GATB: variants seen among roughly 807,000 people sequenced by gnomAD.
GATB encodes glutamyl-tRNA amidotransferase subunit B.
Under a neutral mutation model 62.3 loss-of-function variants are expected in GATB, and 39 were observed. That is an observed-to-expected ratio of 0.63 (90% CI 0.48 to 0.82). The LOEUF is 0.82. Ranked by LOEUF, GATB falls within the 40% of genes least tolerant of loss-of-function variation. The pLI, the probability that GATB is intolerant of heterozygous loss-of-function variation, is 0.00. For synonymous variants in GATB, 276 were observed against 258.9 expected, an observed-to-expected ratio of 1.07 and a Z score of -0.63; for missense variants, 670 against 684.0, an observed-to-expected ratio of 0.98 and a Z score of 0.23.
intron 2 of GATB, among the ~76,000 whole-genome samples, chr4:151,748,173 C>T (rs1739640768): frequency 6.6e-6 from 1 of 152,160 alleles, no homozygotes; most frequent in African/African-American, 2.4e-5. Flanking sequence ...CTTTAAAGTT[C>T]ATATGGAACC....
chr4:151,671,731 T>C (rs1357160612), intron 12 of GATB, among the ~76,000 whole-genome samples: 4 of 151,896 alleles, frequency 2.6e-5, no homozygotes, highest in Admixed American at 2.0e-4. Context: ...CTCCCCCTGC[T>C]CCCCACCAAG....
chr4:151,682,051 C>T (rs1022193730), intron 10 of GATB, among the ~76,000 whole-genome samples: 1 of 152,136 alleles, frequency 6.6e-6, no homozygotes, highest in Non-Finnish European at 1.5e-5. Context: ...TGGAGAGGGA[C>T]AGAAAAGGAA....
chr4:151,733,482 T>C (rs1739308858), intron 2 of GATB, among the ~76,000 whole-genome samples: 1 of 152,140 alleles, frequency 6.6e-6, no homozygotes, highest in Admixed American at 6.5e-5. Context: ...AATTTAACAA[T>C]TGCCAACCAA....
chr4:151,728,566 T>G (rs1198127845), intron 2 of GATB, among the ~76,000 whole-genome samples: 1 of 152,182 alleles, frequency 6.6e-6, no homozygotes, highest in Non-Finnish European at 1.5e-5. Flanking sequence ...AAACACAAAC[T>G]CATTCATCTA....
Position 151,704,979 on chromosome 4 carries a change from C to T in GATB, c.962+206G>A, listed in dbSNP as rs138259454. ...GTTAGCCAGGATGGTCTCGATCTCC[C>T]GACCTCGTGATCTGCCCATTGCCTC... On this transcript the variant is annotated intron_variant, in intron 7 of 12. Transcript: ENST00000263985. Among the ~76,000 whole-genome samples, 65 of 151,418 alleles carry T rather than the reference C, an allele frequency of 4.3e-4. 1 individual carries two copies. The highest frequency in any genetic ancestry group is 1.4e-3 in the African/African-American group (59 of 41,256).
At chr4:151,700,938 C>T (rs1738589442) in intron 9 of GATB, among the ~76,000 whole-genome samples, 1 of 152,194 alleles carries the variant, frequency 6.6e-6, no homozygotes, top group Admixed American at 6.5e-5. Context: ...ATCCTGCCAG[C>T]CCTGTCATGG....
At chr4:151,736,187 T>G (rs1220368924) in intron 2 of GATB, among the ~76,000 whole-genome samples, 2 of 152,184 alleles carry the variant, frequency 1.3e-5, no homozygotes, top group Non-Finnish European at 2.9e-5. Context: ...TTAAGGCCCT[T>G]GTGTATGTAA....
At chr4:151,706,405 A>G (rs1738716160) in intron 6 of GATB, among the ~76,000 whole-genome samples, 1 of 149,590 alleles carries the variant, frequency 6.7e-6, no homozygotes. Context: ...ACCTCTTAAA[A>G]TAACGGGTCC....
intron 2 of GATB, chr4:151,721,132 G>A (rs963285308): frequency 6.6e-6 from 1 of 152,306 alleles, no homozygotes; most frequent in Non-Finnish European, 1.5e-5. Flanking sequence ...CAGTTACTTG[G>A]GAGGCTGAGG....
At chr4:151,754,711 T>C (rs1739789755) in intron 2 of GATB, among the ~76,000 whole-genome samples, 2 of 151,804 alleles carry the variant, frequency 1.3e-5, no homozygotes, top group Non-Finnish European at 1.5e-5. Context: ...TCCAAATAAC[T>C]ACAGATGGAA....
intron 2 of GATB, among the ~76,000 whole-genome samples, chr4:151,731,987 C>G (rs1375256322): frequency 6.9e-6 from 1 of 145,210 alleles, no homozygotes; most frequent in Non-Finnish European, 1.5e-5. Flanking sequence ...CCCGGCCAGC[C>G]GCCCCGTCCG....
At chr4:151,696,246 C>T (rs1403483053) in intron 9 of GATB, among the ~76,000 whole-genome samples, 2 of 152,166 alleles carry the variant, frequency 1.3e-5, no homozygotes, top group African/African-American at 4.8e-5. Context: ...CTGATTTTCA[C>T]TAAATTTAGT....
At position 151,705,203 on chromosome 4, in the gene GATB, G is replaced by C. The variant is rs370519067; in HGVS notation, c.944C>G (p.Ser315Ter). ...AACTCACCCCAGCTTGTGATGAAAT[G>C]AGCGTGTTTCGTTCAGAATTTCACC... ...NGGEILNETR[S>*]FHHKLGCTMS... The change falls in exon 7 of 13, where the codon TCA becomes TGA. Residue 315 changes from serine to a stop codon, truncating the protein, a stop_gained. Transcript: ENST00000263985. LOFTEE classifies it high-confidence loss of function. The C allele has an allele frequency of 1.9e-6, 3 of 1,612,670 alleles. No individual in the cohort carries two copies. In the African/African-American group the frequency reaches 4.0e-5, roughly 22 times the overall value.
Position 151,717,061 on chromosome 4 carries a change from A to AT in GATB, c.454dup (p.Ile152AsnfsTer58), listed in dbSNP as rs1332790841. 1 of 1,614,104 alleles carries AT rather than the reference A, an allele frequency of 6.2e-7. No homozygotes were observed. The highest frequency in any genetic ancestry group is 8.5e-7 in the Non-Finnish European group (1 of 1,180,006). Reference sequence around the variant, plus strand: ...AGCAATTGGGAGCCTCTGCTGGGTAATTTGGTAGCCTGCCTGCACACAAAC... The same window carrying AT: ...AGCAATTGGGAGCCTCTGCTGGGTAATTTTGGTAGCCTGCCTGCACACAAAC... On this transcript the variant is annotated frameshift_variant, in exon 4 of 13. Coordinates refer to ENST00000263985, the MANE Select transcript of GATB (RefSeq NM_004564.3). LOFTEE classifies it high-confidence loss of function.
intron 5 of GATB, among the ~76,000 whole-genome samples, chr4:151,708,751 C>T (rs917086177): frequency 3.9e-5 from 6 of 152,206 alleles, no homozygotes; most frequent in Non-Finnish European, 7.3e-5. Context: ...AGCACTGTTA[C>T]GAAGTCAGGA....
In GATB at chr4:151,732,026, C is replaced by T. The variant is rs1302174969; in HGVS notation, c.328-12488G>A. Among the ~76,000 whole-genome samples, 76 of 130,824 alleles carry T rather than the reference C, an allele frequency of 5.8e-4. 4 individuals carry two copies. The highest frequency in any genetic ancestry group is 2.3e-3 in the South Asian group (9 of 3,934). 85.8% of individuals were successfully genotyped at this position (130,824 alleles called of 152,430 possible). A position where few individuals can be genotyped will look rare whatever the true frequency, so the allele number is the denominator to read the frequency against. On this transcript the variant is annotated intron_variant, in intron 2 of 12. Transcript: ENST00000263985. ...GGGAGGTGGGGGGTCAGCCCCCGCC[C>T]GGCCAGCCGCCCCGTCCGGGAGGGA...
chr4:151,735,316 A>G (rs889427924), intron 2 of GATB, among the ~76,000 whole-genome samples: 3 of 152,140 alleles, frequency 2.0e-5, no homozygotes, highest in Non-Finnish European at 4.4e-5. Flanking sequence ...AGATATACAA[A>G]TGGCCAACAA....
intron 2 of GATB, among the ~76,000 whole-genome samples, chr4:151,737,556 G>A (rs1019221403): frequency 1.1e-4 from 16 of 150,904 alleles, no homozygotes; most frequent in Middle Eastern, 3.4e-3. Flanking sequence ...ATAAATCTGC[G>A]TAAGTAATGA....
In GATB at chr4:151,703,552, C is replaced by G. The variant is rs1738648939; in HGVS notation, c.1007+299G>C. ...GAATAAGAACAGCCTAGGCCCCAAC[C>G]TCTACAGCCATCCTCCTAGCTCAAC... On this transcript the variant is annotated intron_variant, in intron 8 of 12. Transcript: ENST00000263985. The G allele has an allele frequency of 8.7e-6, 4 of 457,358 alleles. No individual in the cohort carries two copies. The South Asian group carries it at 9.5e-5, about 11-fold the overall frequency. The allele number at this position is 457,358 out of a possible 1,614,324, so 28.3% of individuals were successfully genotyped here. A position where few individuals can be genotyped will look rare whatever the true frequency, so the allele number is the denominator to read the frequency against.
Sources: allele counts gnomAD v4.1 joint callset (sites outside exome capture counted in the v4.1 genomes callset), GRCh38; gene constraint gnomAD v4.1.1; transcripts MANE v1.5; gene names NCBI Gene and HGNC (gene_info 2026-07-23, HGNC 2026-07-21).